Variants in PLEKHS1 observed in about 807,000 individuals in gnomAD.
The protein encoded by PLEKHS1 is pleckstrin homology domain containing S1.
PLEKHS1 carries 55 observed loss-of-function variants against 51.0 expected under a neutral mutation model. That is an observed-to-expected ratio of 1.08 (90% CI 0.87 to 1.35). PLEKHS1 has a LOEUF of 1.35. PLEKHS1 is among the 40% of genes most tolerant of loss of function. The pLI, the probability that PLEKHS1 is intolerant of heterozygous loss-of-function variation, is 0.00. For missense variants in PLEKHS1, 398 were observed against 423.0 expected (o/e 0.94, Z 0.52); for synonymous variants, 153 against 144.8 (o/e 1.06, Z -0.41).
At chr10:113,780,444 A>AG (rs1266683922) in intron 11 of PLEKHS1, among the ~76,000 whole-genome samples, 158 bp from the exon 13 acceptor site, 1 of 152,170 alleles carries the variant, frequency 6.6e-6, no homozygotes, top group East Asian at 1.9e-4. Context: ...TAACTAGCCA[A>AG]GTAAGTCATC....
chr10:113,781,703 C>T, exon 12 of PLEKHS1: 1 of 111,430 alleles, frequency 9.0e-6, no homozygotes, highest in African/African-American at 3.2e-5. Flanking sequence ...ACCTCCTTCC[C>T]AAACCCCTCT....
intron 2 of PLEKHS1, 113 bp from the exon 3 acceptor site, chr10:113,766,298 A>G (rs1844156298): frequency 6.0e-6 from 4 of 667,000 alleles, no homozygotes; most frequent in Non-Finnish European, 1.0e-5. Flanking sequence ...GTCCTTTTCC[A>G]TAACTACTGA....
intron 7 of PLEKHS1, among the ~76,000 whole-genome samples, chr10:113,770,388 T>G (rs1179388000): frequency 6.6e-6 from 1 of 152,240 alleles, no homozygotes; most frequent in Non-Finnish European, 1.5e-5. Context: ...GAAATCCATT[T>G]GAAGACATAA....
At position 113,774,819 on chromosome 10, in the gene PLEKHS1, G is replaced by A; in HGVS notation, c.780-7G>A. 3 of 1,611,820 alleles carry A rather than the reference G, an allele frequency of 1.9e-6. No individual in the cohort carries two copies. Among genetic ancestry groups the A allele is most frequent in the Non-Finnish European group, 2.5e-6 (3 of 1,178,094 alleles). On this transcript the variant is annotated splice_polypyrimidine_tract_variant and splice_region_variant and intron_variant, in intron 9 of 11. Coordinates refer to ENST00000361048, the Ensembl canonical transcript of PLEKHS1. ...AATAGGGCTTGTTTTAACTTCTTAT[G>A]CTCTAGTTTTTTCAAAGAGACATCC... is the stretch of plus-strand genomic sequence containing the variant.
chr10:113,774,738 C>T, intron 9 of PLEKHS1, 88 bp from the exon 10 acceptor site: 1 of 1,189,866 alleles, frequency 8.4e-7, no homozygotes, highest in Non-Finnish European at 1.2e-6. Context: ...CTTCACATGG[C>T]TGTTAGCTAC....
At chr10:113,764,940 T>G (rs550512219) in intron 2 of PLEKHS1, 57 of 154,022 alleles carry the variant, frequency 3.7e-4, no homozygotes, top group Non-Finnish European at 7.1e-4. Context: ...ACTTTAGGTC[T>G]TCTTTATATC....
Position 113,765,509 on chromosome 10 carries a change from A to G in PLEKHS1, c.29-902A>G, listed in dbSNP as rs926677861. 4.9e-5 allele frequency: 34 copies of G among 686,994 alleles called. No homozygotes were observed. In the Admixed American group the frequency reaches 6.9e-4, roughly 14 times the overall value. 42.6% of individuals were successfully genotyped at this position (686,994 alleles called of 1,614,324 possible). On this transcript the variant is annotated intron_variant, in intron 2 of 11. Coordinates refer to ENST00000361048, the Ensembl canonical transcript of PLEKHS1. ...CTTGAATACTTGAGGGAGACAGTAT[A>G]TATTGCCCTTTGGCTTAGCAGACAA...
In PLEKHS1 at chr10:113,777,249, T is replaced by C. The variant is rs202183581; in HGVS notation, c.1091+1383T>C. 396 of 1,612,618 alleles carry C rather than the reference T, an allele frequency of 2.5e-4. No homozygotes were observed. Among genetic ancestry groups the C allele is most frequent in the Non-Finnish European group, 2.8e-4 (329 of 1,179,854 alleles). ...GTCTCCCTGTTTCTTACCCGGTCCA[T>C]CCAGAAGGAGGTGAGTCGTACTGAC... On this transcript the variant is annotated intron_variant, in intron 11 of 11. Transcript: ENST00000361048.
Position 113,777,538 on chromosome 10 carries a change from G to A in PLEKHS1, c.1091+1672G>A, listed in dbSNP as rs560016958. ...AAAGAGCTTGCATGGAATCAGACTG[G>A]TGCAGGGATTCCAAAACAGCTCCTT... On this transcript the variant is annotated intron_variant, in intron 11 of 11. Coordinates refer to ENST00000361048, the Ensembl canonical transcript of PLEKHS1. The A allele has an allele frequency of 1.3e-5, 20 of 1,553,022 alleles. No homozygotes were observed. The African/African-American group carries it at 1.6e-4, about 13-fold the overall frequency.
At chr10:113,757,453 G>A (rs1400999728) in intron 2 of PLEKHS1, among the ~76,000 whole-genome samples, 1 of 152,168 alleles carries the variant, frequency 6.6e-6, no homozygotes, top group Non-Finnish European at 1.5e-5. Context: ...CTGTAGTCGA[G>A]TGTGTAATAG....
At chr10:113,773,250 G>T (rs1002225744) in intron 8 of PLEKHS1, among the ~76,000 whole-genome samples, 3 of 152,166 alleles carry the variant, frequency 2.0e-5, no homozygotes, top group African/African-American at 7.2e-5. Flanking sequence ...TTTGAGCACA[G>T]AGTTCTTCTT....
chr10:113,766,819 AC>A, intron 4 of PLEKHS1, 101 bp downstream of exon 4: 1 of 862,168 alleles, frequency 1.2e-6, no homozygotes, highest in East Asian at 2.6e-5. Flanking sequence ...GACCAAAGGA[AC>A]CTGCTTCAAG....
intron 4 of PLEKHS1, 150 bp from the exon 5 acceptor site, chr10:113,767,195 T>C (rs1256714198): frequency 1.8e-6 from 1 of 567,088 alleles, no homozygotes; most frequent in African/African-American, 1.9e-5. Context: ...GATCAAAAAA[T>C]CCAAACTTAT....
chr10:113,782,902 A>G (rs1003535263), downstream of PLEKHS1: 4 of 152,206 alleles, frequency 2.6e-5, no homozygotes, highest in African/African-American at 7.2e-5. Context: ...ACACAAAGAT[A>G]CATGTAAAAA....
At position 113,777,484 on chromosome 10, in the gene PLEKHS1, C is replaced by G. The variant is rs116355545; in HGVS notation, c.1091+1618C>G. ...AGCTAAGAGACAGAGCACCTGGGTT[C>G]AGGACCTCAGATCGGCATGATGTAG... is the stretch of plus-strand genomic sequence containing the variant. On this transcript the variant is annotated intron_variant, in intron 11 of 11. Transcript: ENST00000361048. 5.8e-4 allele frequency: 923 copies of G among 1,587,730 alleles called. 3 individuals carry two copies. In the African/African-American group the frequency reaches 0.011, roughly 19 times the overall value.
intron 2 of PLEKHS1, 38 bp from the exon 3 acceptor site, chr10:113,766,373 T>G: frequency 7.7e-7 from 1 of 1,296,696 alleles, no homozygotes; most frequent in East Asian, 2.3e-5. Context: ...TTTCAGAAAT[T>G]TATGAGGAAC....
chr10:113,776,720 A>G (rs1016901180), intron 11 of PLEKHS1, among the ~76,000 whole-genome samples: 1 of 152,244 alleles, frequency 6.6e-6, no homozygotes, highest in South Asian at 2.1e-4. Context: ...ATTAAAAAAC[A>G]AAACAAACAA....
chr10:113,754,877 G>A lies in PLEKHS1; in HGVS notation c.-19-382G>A, dbSNP rs140597361. ...TCCTCTCAGCCAGTGATGCTTTCTC[G>A]GCTACGTTGGCTCCATGGCATCCTG... is the stretch of plus-strand genomic sequence containing the variant. On this transcript the variant is annotated intron_variant, in intron 1 of 11. Transcript: ENST00000361048. Among the ~76,000 whole-genome samples, 175 of 152,274 alleles carry A rather than the reference G, an allele frequency of 1.1e-3. 1 individual carries two copies. In the East Asian group the frequency reaches 0.027, roughly 24 times the overall value.
rs935100261 is a variant in PLEKHS1 at position 113,769,939 on chromosome 10, G to T, written c.552+39G>T. On this transcript the variant is annotated intron_variant, in intron 7 of 11. Transcript: ENST00000361048. ...CTTCTTTCTCAGGACACCACACCTG[G>T]GAGGCAGCTAATGCCTAAAAATCTT... 10 of 1,444,918 alleles carry T rather than the reference G, an allele frequency of 6.9e-6. No homozygotes were observed. In the African/African-American group the frequency reaches 1.4e-4, roughly 20 times the overall value. The allele number at this position is 1,444,918 out of a possible 1,614,324, so 89.5% of individuals were successfully genotyped here.
Sources: gnomAD v4.1 joint callset for allele counts (sites outside exome capture counted in the v4.1 genomes callset) on GRCh38, gnomAD v4.1.1 for gene constraint, MANE v1.5 for transcripts, NCBI Gene and HGNC (gene_info 2026-07-23, HGNC 2026-07-21) for gene names.